TSPAN18: variants seen among roughly 807,000 people sequenced by gnomAD.
TSPAN18 encodes tetraspanin 18, also known as tetraspanin-18.
Under a neutral mutation model 27.3 loss-of-function variants are expected in TSPAN18, and 14 were observed. The observed-to-expected ratio is 0.51, with a 90% CI of 0.34 to 0.80. The LOEUF (loss-of-function observed/expected upper bound fraction) is 0.80. TSPAN18 is among the 30% of genes least tolerant of loss of function. The pLI is 0.01. For missense variants in TSPAN18, 268 were observed against 323.9 expected, an observed-to-expected ratio of 0.83 and a Z score of 1.32; for synonymous variants, 143 against 136.5, an observed-to-expected ratio of 1.05 and a Z score of -0.33.
chr11:44,811,078 A>C (rs957362577), intron 2 of TSPAN18, among the ~76,000 whole-genome samples: 1 of 148,878 alleles, frequency 6.7e-6, no homozygotes, highest in African/African-American at 2.5e-5. Flanking sequence ...CTTTTCTACA[A>C]ACACAGTTGA....
intron 3 of TSPAN18, among the ~76,000 whole-genome samples, chr11:44,893,061 C>T (rs1010436202): frequency 3.3e-5 from 5 of 152,198 alleles, no homozygotes; most frequent in Non-Finnish European, 5.9e-5. Context: ...CCTCAGCTCC[C>T]GCAGTGTGAA....
intron 8 of TSPAN18, among the ~76,000 whole-genome samples, chr11:44,924,582 C>T (rs1458823690): frequency 1.3e-5 from 2 of 152,180 alleles, no homozygotes; most frequent in African/African-American, 4.8e-5. Context: ...CTGTGGCTGG[C>T]AGGCACGTGG....
intron 2 of TSPAN18, among the ~76,000 whole-genome samples, chr11:44,773,885 C>T (rs1855745408): frequency 6.6e-6 from 1 of 152,078 alleles, no homozygotes; most frequent in Non-Finnish European, 1.5e-5. Context: ...ATTTGTGTAC[C>T]CGTGCTTGGG....
intron 4 of TSPAN18, among the ~76,000 whole-genome samples, chr11:44,908,831 A>G (rs2863132): frequency 0.51 from 48,636 of 94,684 alleles, 14,747 homozygotes; most frequent in East Asian, 0.71. Flanking sequence ...AAGAAAGAAA[A>G]AGAAAAATGG....
At position 44,931,130 on chromosome 11, in the gene TSPAN18, G is replaced by A. The variant is rs565201565; in HGVS notation, c.*1952G>A. The stretch of plus-strand genomic sequence containing the variant: ...CTCTGAGCTCAGTGTTACCAAATTC[G>A]CCCTTTAACAGCTTGCTCTGGCAAC... On this transcript the variant is annotated 3_prime_UTR_variant, in exon 10 of 10. Transcript: ENST00000520358. 7.0e-4 allele frequency: 250 copies of A among 356,182 alleles called. 3 individuals carry two copies. Among genetic ancestry groups the A allele is most frequent in the African/African-American group, 4.9e-3 (231 of 46,848 alleles). The allele number at this position is 356,182 out of a possible 1,614,324, so 22.1% of individuals were successfully genotyped here.
intron 1 of TSPAN18, 45 bp from the exon 2 acceptor site, chr11:44,764,381 G>C (rs1855519422): frequency 6.6e-6 from 1 of 152,158 alleles, no homozygotes; most frequent in African/African-American, 2.4e-5. Context: ...GGTCCCCAAG[G>C]ACTCCTGCCT....
chr11:44,908,831 A>AAAGAAAGAGAAAGAAAG (rs1590671474), intron 4 of TSPAN18, among the ~76,000 whole-genome samples: 4 of 96,160 alleles, frequency 4.2e-5, no homozygotes, highest in Non-Finnish European at 6.6e-5. Context: ...AAGAAAGAAA[A>AAAGAAAGAGAAAGAAAG]AGAAAAATGG....
At chr11:44,747,154 G>A (rs999453676) in intron 1 of TSPAN18, among the ~76,000 whole-genome samples, 1 of 152,240 alleles carries the variant, frequency 6.6e-6, no homozygotes, top group African/African-American at 2.4e-5. Context: ...TCTCACAGGC[G>A]AGCATCTGCT....
At chr11:44,735,211 G>A (rs575726468) in intron 1 of TSPAN18, among the ~76,000 whole-genome samples, 95 of 152,318 alleles carry the variant, frequency 6.2e-4, no homozygotes, top group African/African-American at 2.1e-3. Context: ...GCACCTTGGG[G>A]CCCTCAGACA....
At chr11:44,777,479 C>G (rs371990775) in intron 2 of TSPAN18, among the ~76,000 whole-genome samples, 1 of 152,174 alleles carries the variant, frequency 6.6e-6, no homozygotes, top group Non-Finnish European at 1.5e-5. Context: ...CTTCCCAGGA[C>G]CCCTCCGGAA....
At position 44,929,751 on chromosome 11, in the gene TSPAN18, T is replaced by A; in HGVS notation, c.*573T>A. The A allele has an allele frequency of 6.5e-6, 1 of 153,386 alleles. No individual in the cohort carries two copies. The highest frequency in any genetic ancestry group is 1.9e-4 in the East Asian group (1 of 5,212). 9.5% of individuals were successfully genotyped at this position (153,386 alleles called of 1,614,324 possible). A position where few individuals can be genotyped will look rare whatever the true frequency, so the allele number is the denominator to read the frequency against. On this transcript the variant is annotated 3_prime_UTR_variant, in exon 10 of 10. Transcript: ENST00000520358. ...CGGCATCCAAGAATGGCCCAGCTGG[T>A]AGGATCCTTGCTTTCCCCATCTGTT...
At chr11:44,826,859 C>T (rs1163044034) in intron 2 of TSPAN18, among the ~76,000 whole-genome samples, 2 of 152,158 alleles carry the variant, frequency 1.3e-5, no homozygotes, top group Admixed American at 1.3e-4. Flanking sequence ...ATTTTACTCT[C>T]TTTCTGTATA....
chr11:44,839,399 T>A (rs1053245047), intron 2 of TSPAN18, among the ~76,000 whole-genome samples: 1 of 152,200 alleles, frequency 6.6e-6, no homozygotes, highest in African/African-American at 2.4e-5. Context: ...TGTCTGTTTT[T>A]CCCTAATGAG....
At chr11:44,791,086 G>A (rs560891803) in intron 2 of TSPAN18, among the ~76,000 whole-genome samples, 9 of 152,340 alleles carry the variant, frequency 5.9e-5, no homozygotes, top group Admixed American at 4.6e-4. Context: ...GTCTGCTGCT[G>A]TCTCAAGTCT....
chr11:44,730,792 T>A (rs898253601), intron 1 of TSPAN18, among the ~76,000 whole-genome samples: 1 of 150,598 alleles, frequency 6.6e-6, no homozygotes, highest in Non-Finnish European at 1.5e-5. Context: ...CCTGGCTAAT[T>A]TTTTTTGAAT....
intron 3 of TSPAN18, among the ~76,000 whole-genome samples, chr11:44,873,201 G>C (rs1858242396): frequency 6.6e-6 from 1 of 152,210 alleles, no homozygotes; most frequent in Non-Finnish European, 1.5e-5. Context: ...GCCCTGCATA[G>C]CCTAGAGACC....
At chr11:44,738,972 A>G (rs1854865162) in intron 1 of TSPAN18, among the ~76,000 whole-genome samples, 1 of 152,172 alleles carries the variant, frequency 6.6e-6, no homozygotes, top group Non-Finnish European at 1.5e-5. Context: ...CCACCGCCAG[A>G]TGGTCTGTTT....
chr11:44,898,949 T>C (rs565736794), intron 3 of TSPAN18, among the ~76,000 whole-genome samples: 4 of 152,284 alleles, frequency 2.6e-5, no homozygotes, highest in African/African-American at 9.6e-5. Context: ...CATCTGAGGG[T>C]CATGTTGTAT....
chr11:44,910,767 A>C (rs1038301806), intron 5 of TSPAN18, among the ~76,000 whole-genome samples: 1 of 152,160 alleles, frequency 6.6e-6, no homozygotes, highest in Non-Finnish European at 1.5e-5. Context: ...GGGGACCAGG[A>C]GTGATGGTCC....
Sources: gnomAD v4.1 joint callset for allele counts (sites outside exome capture counted in the v4.1 genomes callset) on GRCh38, gnomAD v4.1.1 for gene constraint, MANE v1.5 for transcripts, NCBI Gene and HGNC (gene_info 2026-07-23, HGNC 2026-07-21) for gene names.